Variants in IL13RA1 observed in about 807,000 individuals in gnomAD.
The protein encoded by IL13RA1 is interleukin-13 receptor subunit alpha-1.
In IL13RA1, 14 loss-of-function variants were observed where a neutral mutation model predicts 33.8. The ratio of observed to expected loss-of-function variants is 0.41; its 90% CI spans 0.27 to 0.65. IL13RA1 has a LOEUF of 0.65. Among genes scored for constraint, IL13RA1 ranks in the 30% least tolerant of loss-of-function variants. The probability of loss-of-function intolerance (pLI) is 0.28; values close to 1 mark genes in which losing one functional copy is unlikely to be tolerated. For synonymous variants in IL13RA1, 116 were observed against 115.7 expected, an observed-to-expected ratio of 1.00 and a Z score of -0.02; for missense variants, 313 against 327.0, an observed-to-expected ratio of 0.96 and a Z score of 0.33.
At chrX:118,763,915 A>G (rs1052924591) in intron 6 of IL13RA1, among the ~76,000 whole-genome samples, 17 of 111,503 alleles carry the variant, frequency 1.5e-4, no homozygotes, top group Non-Finnish European at 2.8e-4. Context: ...TTTGGAATTA[A>G]CTCTGTTTGT....
chrX:118,783,211 T>C (rs1161841239), intron 10 of IL13RA1, among the ~76,000 whole-genome samples: 1 of 112,039 alleles, frequency 8.9e-6, no homozygotes, highest in East Asian at 2.8e-4. Context: ...CATGCCGTTT[T>C]TCTAGGCTCA....
At chrX:118,763,476 C>T (rs2017611825) in intron 6 of IL13RA1, among the ~76,000 whole-genome samples, 1 of 112,294 alleles carries the variant, frequency 8.9e-6, no homozygotes, top group Admixed American at 9.4e-5. Context: ...AGTTGTAACG[C>T]TAAGACTTGG....
chrX:118,763,739 A>G (rs1325537233), intron 6 of IL13RA1, among the ~76,000 whole-genome samples: 2 of 112,213 alleles, frequency 1.8e-5, no homozygotes, highest in Non-Finnish European at 3.8e-5. Flanking sequence ...GTTGGTCTCC[A>G]TGTATTTAAC....
chrX:118,774,073 A>G, intron 9 of IL13RA1, 98 bp downstream of exon 9: 3 of 480,636 alleles, frequency 6.2e-6, no homozygotes, highest in Non-Finnish European at 1.1e-5. Context: ...CCAGTGTATT[A>G]GAAGCATGTT....
chrX:118,803,917 CCTTCCT>C, the IL13RA1 span, among the ~76,000 whole-genome samples: 7 of 57,065 alleles, frequency 1.2e-4, no homozygotes, highest in East Asian at 3.7e-3. Context: ...TTCCTTCCTT[CCTTCCT>C]CTCTCTCTTT....
At chrX:118,753,746 C>T (rs2017495693) in intron 4 of IL13RA1, among the ~76,000 whole-genome samples, 4 of 112,298 alleles carry the variant, frequency 3.6e-5, no homozygotes, top group Admixed American at 2.8e-4. Context: ...AGGTTGCTCT[C>T]GAACTCCTGG....
intron 8 of IL13RA1, chrX:118,770,955 T>C (rs2017712780): frequency 4.5e-6 from 1 of 224,241 alleles, no homozygotes; most frequent in South Asian, 5.3e-5. Flanking sequence ...TATTCCAACC[T>C]CTCCTCACTT....
the IL13RA1 span, among the ~76,000 whole-genome samples, chrX:118,804,254 A>G: frequency 1.8e-5 from 2 of 110,738 alleles, no homozygotes; most frequent in Non-Finnish European, 3.8e-5. Context: ...ACAGTGCCCA[A>G]CAAATTCTGG....
At chrX:118,728,768 G>A (rs148681011) in intron 1 of IL13RA1, among the ~76,000 whole-genome samples, 1,429 of 111,985 alleles carry the variant, frequency 0.013, 28 homozygotes, top group African/African-American at 0.043. Context: ...GGCTGAGGAT[G>A]CAGCAGTGAG....
intron 4 of IL13RA1, among the ~76,000 whole-genome samples, chrX:118,753,566 C>T (rs1271823482): frequency 8.9e-6 from 1 of 112,797 alleles, no homozygotes. Flanking sequence ...TGCTCTGTTG[C>T]CCAAGCTGAA....
In IL13RA1 at chrX:118,727,701, CG is replaced by C; in HGVS notation, c.68del (p.Gly23AlafsTer13). The part of the protein sequence containing the change: ...ALLLCAGGGG[G>X]GGGAAPTETQ... ...TGCTGCTCTGCGCCGGCGGCGGGGG[CG>C]GGGGCGGGGGCGCCGCGCCTACGGG... On this transcript the variant is annotated frameshift_variant, in exon 1 of 11. Coordinates refer to ENST00000371666, the MANE Select transcript of IL13RA1 (RefSeq NM_001560.3). LOFTEE classifies it high-confidence loss of function. 2 of 290,479 alleles carry C rather than the reference CG, an allele frequency of 6.9e-6. No homozygotes were observed. Among genetic ancestry groups the C allele is most frequent in the Non-Finnish European group, 9.6e-6 (2 of 208,859 alleles). 23.9% of individuals were successfully genotyped at this position (290,479 alleles called of 1,213,427 possible). A position where few individuals can be genotyped will look rare whatever the true frequency, so the allele number is the denominator to read the frequency against.
intron 1 of IL13RA1, among the ~76,000 whole-genome samples, chrX:118,736,430 G>T (rs902166956): frequency 1.8e-5 from 2 of 110,120 alleles, no homozygotes; most frequent in Admixed American, 9.7e-5. Context: ...CCCAGGATTT[G>T]CTGTTTTTTG....
chrX:118,748,652 A>G (rs963703532), intron 3 of IL13RA1, among the ~76,000 whole-genome samples: 2 of 110,866 alleles, frequency 1.8e-5, no homozygotes, highest in African/African-American at 6.6e-5. Context: ...TCTCAAAAAA[A>G]TAATAATTAC....
chrX:118,800,686 C>A, the IL13RA1 span, among the ~76,000 whole-genome samples: 3 of 111,487 alleles, frequency 2.7e-5, no homozygotes, highest in African/African-American at 9.8e-5. Flanking sequence ...CTCACTGCAG[C>A]CTCGACCTTC....
rs185981015 is a variant in IL13RA1 at position 118,768,168 on chromosome X, G to C, written c.1009+1192G>C. Among the ~76,000 whole-genome samples, 6 of 112,355 alleles carry C rather than the reference G, an allele frequency of 5.3e-5. No individual in the cohort carries two copies. The East Asian group carries it at 1.4e-3, about 26-fold the overall frequency. ...GAACTTTTTAAACAGCTGTATATTG[G>C]TCAAACAGGTTGTCGAGGTAGCCAA... is the stretch of plus-strand genomic sequence containing the variant. On this transcript the variant is annotated intron_variant, in intron 8 of 10. Transcript: ENST00000371666.
intron 1 of IL13RA1, among the ~76,000 whole-genome samples, chrX:118,733,567 A>G (rs766965475): frequency 6.3e-5 from 7 of 111,233 alleles, no homozygotes; most frequent in Non-Finnish European, 1.3e-4. Flanking sequence ...ATATTTTTCC[A>G]TTCTGTGAGT....
At chrX:118,784,090 A>AAAAAAAAATATATATAT (rs1556372973) in intron 10 of IL13RA1, among the ~76,000 whole-genome samples, 1 of 63,959 alleles carries the variant, frequency 1.6e-5, no homozygotes, top group African/African-American at 7.4e-5. Flanking sequence ...AAAAAAAAAA[A>AAAAAAAAATATATATAT]ATATATATAT....
At chrX:118,795,974 A>G (rs758091195), downstream of IL13RA1, among the ~76,000 whole-genome samples, 137 of 112,303 alleles carry the variant, frequency 1.2e-3, no homozygotes, top group Non-Finnish European at 2.0e-3. Context: ...ACTTTAAGCA[A>G]GGGAGGAGTT....
intron 4 of IL13RA1, among the ~76,000 whole-genome samples, chrX:118,752,051 T>A (rs188606291): frequency 9.0e-6 from 1 of 110,706 alleles, no homozygotes; most frequent in East Asian, 2.8e-4. Context: ...TGTGTGGTTA[T>A]GTCTGAGGTC....
Sources: allele counts gnomAD v4.1 joint callset (sites outside exome capture counted in the v4.1 genomes callset), GRCh38; gene constraint gnomAD v4.1.1; transcripts MANE v1.5; gene names NCBI Gene and HGNC (gene_info 2026-07-23, HGNC 2026-07-21).